Variants in RNF115 observed in about 807,000 individuals in gnomAD.
RNF115 encodes the protein ring finger protein 115, also known as E3 ubiquitin-protein ligase RNF115.
A neutral mutation model predicts 39.2 loss-of-function variants in RNF115; 31 were observed. The observed-to-expected ratio is 0.79, with a 90% CI of 0.59 to 1.07. RNF115 has a LOEUF of 1.07. Among genes scored for constraint, RNF115 ranks in the 50% least tolerant of loss-of-function variants. RNF115 has a pLI of 0.00. For synonymous variants in RNF115, 124 were observed against 131.0 expected, an observed-to-expected ratio of 0.95 and a Z score of 0.37; for missense variants, 384 against 381.7, an observed-to-expected ratio of 1.01 and a Z score of -0.05.
chr1:145,752,583 CTCT>C (rs1337841832), intron 5 of RNF115, among the ~76,000 whole-genome samples: 1 of 60,444 alleles, frequency 1.7e-5, no homozygotes, highest in African/African-American at 1.3e-4. Flanking sequence ...ACCTATGCAG[CTCT>C]TTTTTTTTTT....
intron 1 of RNF115, among the ~76,000 whole-genome samples, chr1:145,792,352 A>T (rs1553719113): frequency 6.6e-6 from 1 of 151,954 alleles, no homozygotes; most frequent in Non-Finnish European, 1.5e-5. Context: ...TTCTAAAGAG[A>T]TGGGGTCTCA....
intron 3 of RNF115, among the ~76,000 whole-genome samples, chr1:145,780,548 AG>A (rs1265057559): frequency 1.3e-5 from 2 of 149,506 alleles, no homozygotes; most frequent in Non-Finnish European, 3.0e-5. Context: ...TGAACCCAGA[AG>A]GCGGAGGTTG....
chr1:145,775,391 G>A (rs1201880373), intron 3 of RNF115, among the ~76,000 whole-genome samples: 1 of 149,304 alleles, frequency 6.7e-6, no homozygotes, highest in Admixed American at 6.7e-5. Flanking sequence ...TTTTGTGAAT[G>A]TGGCCTTTTT....
chr1:145,755,414 C>T (rs1331007974), intron 4 of RNF115, among the ~76,000 whole-genome samples: 1 of 152,094 alleles, frequency 6.6e-6, no homozygotes, highest in Non-Finnish European at 1.5e-5. Context: ...AAAGCCTAGT[C>T]AATCCTATAC....
intron 4 of RNF115, among the ~76,000 whole-genome samples, chr1:145,764,208 A>G (rs1658652644): frequency 6.6e-6 from 1 of 151,960 alleles, no homozygotes. Flanking sequence ...AGTCTTGTTC[A>G]CTCAGTGCTC....
chr1:145,761,723 G>A (rs57004547), intron 4 of RNF115, among the ~76,000 whole-genome samples: 4,123 of 152,294 alleles, frequency 0.027, 199 homozygotes, highest in African/African-American at 0.094. Flanking sequence ...CCCACACAGA[G>A]TCCCTACTGG....
intron 7 of RNF115, 70 bp from the exon 8 acceptor site, chr1:145,748,180 T>G: frequency 9.8e-7 from 1 of 1,019,124 alleles, no homozygotes; most frequent in Non-Finnish European, 1.5e-6. Flanking sequence ...ACCCAATGTC[T>G]CTACCAACCC....
intron 1 of RNF115, among the ~76,000 whole-genome samples, chr1:145,797,419 TTGAC>T (rs1351879410): frequency 3.3e-5 from 5 of 152,224 alleles, no homozygotes; most frequent in African/African-American, 1.2e-4. Context: ...GTATTCGTCT[TTGAC>T]TGGCTTATTT....
intron 2 of RNF115, chr1:145,787,151 C>A (rs1311407267): frequency 7.2e-6 from 4 of 556,598 alleles, no homozygotes; most frequent in African/African-American, 3.9e-5. Flanking sequence ...ATTACAGATT[C>A]TTTTTGACCA....
chr1:145,784,501 ACTT>A, intron 3 of RNF115, 35 bp downstream of exon 3: 1 of 1,575,654 alleles, frequency 6.3e-7, no homozygotes, highest in Non-Finnish European at 8.7e-7. Context: ...ACACCTAACC[ACTT>A]CTTAAAGAAT....
At chr1:145,767,057 G>A (rs587724445) in intron 4 of RNF115, among the ~76,000 whole-genome samples, 1 of 142,842 alleles carries the variant, frequency 7.0e-6, no homozygotes, top group African/African-American at 2.8e-5. Context: ...GGGGCGGCTG[G>A]CAGGGCAGGG....
At chr1:145,760,027 T>C (rs1658440362) in intron 4 of RNF115, among the ~76,000 whole-genome samples, 1 of 152,244 alleles carries the variant, frequency 6.6e-6, no homozygotes, top group Admixed American at 6.5e-5. Context: ...TGATCATCTA[T>C]CTTTCTCCAT....
At chr1:145,776,703 G>A (rs587613659) in intron 3 of RNF115, among the ~76,000 whole-genome samples, 1 of 151,966 alleles carries the variant, frequency 6.6e-6, no homozygotes, top group African/African-American at 2.4e-5. Flanking sequence ...GGGCGTGGTG[G>A]AGCATGCCTG....
intron 1 of RNF115, among the ~76,000 whole-genome samples, chr1:145,794,149 A>G (rs1239706196): frequency 2.0e-5 from 3 of 152,106 alleles, no homozygotes; most frequent in Admixed American, 6.6e-5. Flanking sequence ...CAGCCCGAAT[A>G]TCTTCCCTCT....
At chr1:145,819,651 A>G (rs782516757) in intron 1 of RNF115, among the ~76,000 whole-genome samples, 1 of 152,148 alleles carries the variant, frequency 6.6e-6, no homozygotes, top group African/African-American at 2.4e-5. Context: ...CAAAGACACA[A>G]TGAAAAAAGA....
intron 2 of RNF115, among the ~76,000 whole-genome samples, chr1:145,785,245 C>G (rs1242708062): frequency 1.3e-5 from 2 of 152,120 alleles, no homozygotes; most frequent in East Asian, 3.8e-4. Context: ...ACATCCATTT[C>G]AACCCATTTC....
chr1:145,807,079 C>G (rs1450299742), intron 1 of RNF115, among the ~76,000 whole-genome samples: 1 of 152,164 alleles, frequency 6.6e-6, no homozygotes, highest in Non-Finnish European at 1.5e-5. Context: ...ATAGAAGGTA[C>G]CAATACAGTT....
At chr1:145,758,983 C>T (rs1470949636) in intron 4 of RNF115, among the ~76,000 whole-genome samples, 1 of 152,168 alleles carries the variant, frequency 6.6e-6, no homozygotes, top group South Asian at 2.1e-4. Flanking sequence ...ATTTTAGAAA[C>T]TCACAGACGA....
chr1:145,820,249 A>G (rs1650175385), intron 1 of RNF115, among the ~76,000 whole-genome samples: 1 of 150,302 alleles, frequency 6.7e-6, no homozygotes, highest in Non-Finnish European at 1.5e-5. Context: ...CAGATTGCTT[A>G]AGCCCAGAAA....
Sources: gnomAD v4.1 joint callset for allele counts (sites outside exome capture counted in the v4.1 genomes callset) on GRCh38, gnomAD v4.1.1 for gene constraint, MANE v1.5 for transcripts, NCBI Gene and HGNC (gene_info 2026-07-23, HGNC 2026-07-21) for gene names.